Variants in ZNF26 observed in about 807,000 individuals in gnomAD.
ZNF26 encodes zinc finger protein 26, also known as epididymis luminal protein 179.
ZNF26 carries 32 observed loss-of-function variants against 54.9 expected under a neutral mutation model. The observed-to-expected ratio is 0.58, with a 90% confidence interval of 0.44 to 0.78. The LOEUF (loss-of-function observed/expected upper bound fraction) is 0.78, where lower values mean the gene tolerates loss of function less well. ZNF26 is among the 30% of genes least tolerant of loss of function. The pLI, the probability that ZNF26 is intolerant of heterozygous loss-of-function variation, is 0.00. For missense variants in ZNF26, 524 were observed against 634.0 expected, an observed-to-expected ratio of 0.83 and a Z score of 1.86; for synonymous variants, 221 against 209.2, an observed-to-expected ratio of 1.06 and a Z score of -0.49.
intron 3 of ZNF26, among the ~76,000 whole-genome samples, 164 bp downstream of exon 3, chr12:133,007,696 C>A (rs1394567959): frequency 6.6e-6 from 1 of 152,062 alleles, no homozygotes; most frequent in Non-Finnish European, 1.5e-5. Flanking sequence ...AGGACATCGC[C>A]GTCACTCTTC....
intron 1 of ZNF26, among the ~76,000 whole-genome samples, chr12:132,988,154 AC>A (rs1486390587): frequency 6.6e-6 from 1 of 152,122 alleles, no homozygotes; most frequent in African/African-American, 2.4e-5. Flanking sequence ...GATTACAGGC[AC>A]ATGCCACCCA....
In ZNF26 at chr12:133,001,534, C is replaced by CTGCA; in HGVS notation, c.34-5507_34-5504dup. The CTGCA allele has an allele frequency of 1.6e-6, 1 of 614,282 alleles. No individual in the cohort carries two copies. The highest frequency in any genetic ancestry group is 2.5e-6 in the Non-Finnish European group (1 of 394,870). 38.1% of individuals were successfully genotyped at this position (614,282 alleles called of 1,614,324 possible). A position where few individuals can be genotyped will look rare whatever the true frequency, so the allele number is the denominator to read the frequency against. ...TTGGAGCCTCTGACAGGGCTCTGCC[C>CTGCA]TGCAGTTCCATGGTGTATGTGATTC... On this transcript the variant is annotated intron_variant, in intron 1 of 3. Coordinates refer to ENST00000328654, the MANE Select transcript of ZNF26 (RefSeq NM_019591.4). This position sits in a 1 kb window ranked among gnomAD's most constrained non-coding sequence, Gnocchi z 4.7.
Position 132,994,981 on chromosome 12 carries a change from G to T in ZNF26, c.33+8108G>T, listed in dbSNP as rs796678515. 6.8e-3 allele frequency among the ~76,000 whole-genome samples: 1,039 copies of T among 152,168 alleles called. 9 individuals are homozygous for T. The highest frequency in any genetic ancestry group is 0.023 in the African/African-American group (955 of 41,500). ...TCCAGACATTGTCAAATGCCCCCGG[G>T]GGGGCAAAATCTCCCTCCTGCCCAT... On this transcript the variant is annotated intron_variant, in intron 1 of 3. Coordinates refer to ENST00000328654, the MANE Select transcript of ZNF26 (RefSeq NM_019591.4).
intron 1 of ZNF26, among the ~76,000 whole-genome samples, chr12:132,998,757 T>C (rs1953146801): frequency 6.6e-6 from 1 of 152,218 alleles, no homozygotes; most frequent in Non-Finnish European, 1.5e-5. Context: ...TGGTTATATC[T>C]GAAAATATGC....
Position 133,001,615 on chromosome 12 carries a change from G to C in ZNF26, c.34-5427G>C. 6 of 1,280,062 alleles carry C rather than the reference G, an allele frequency of 4.7e-6. No homozygotes were observed. Among genetic ancestry groups the C allele is most frequent in the Non-Finnish European group, 6.1e-6 (6 of 980,562 alleles). 79.3% of individuals were successfully genotyped at this position (1,280,062 alleles called of 1,614,324 possible). On this transcript the variant is annotated intron_variant, in intron 1 of 3. Transcript: ENST00000328654. The surrounding 1 kb of genome is among the most constrained non-coding windows in gnomAD (Gnocchi z 4.7). Reference sequence around the variant, plus strand: ...AGTCCACTCACTGCCTCTTCCCCTGGGGTCTCCCTCCCTGCAGGTAGTGCT... The same window carrying C: ...AGTCCACTCACTGCCTCTTCCCCTGCGGTCTCCCTCCCTGCAGGTAGTGCT...
chr12:133,026,055 C>T lies in ZNF26; in HGVS notation c.*14574C>T, dbSNP rs1953699257. 6.6e-6 allele frequency: 1 copy of T among 152,138 alleles called. No individual in the cohort carries two copies. Among genetic ancestry groups the T allele is most frequent in the Non-Finnish European group, 1.5e-5 (1 of 68,056 alleles). The allele number at this position is 152,138 out of a possible 1,614,324, so 9.4% of individuals were successfully genotyped here. ...TCTAGCCTTAGAAAAAGCTGCCTAGCTGAGCCTATCTTGAATTTCTGACCC... is the reference window on the plus strand; with the variant it reads ...TCTAGCCTTAGAAAAAGCTGCCTAGTTGAGCCTATCTTGAATTTCTGACCC... On this transcript the variant is annotated 3_prime_UTR_variant, in exon 4 of 4. Coordinates refer to ENST00000328654, the MANE Select transcript of ZNF26 (RefSeq NM_019591.4).
intron 3 of ZNF26, among the ~76,000 whole-genome samples, chr12:133,009,678 G>A (rs1953426458): frequency 6.6e-6 from 1 of 152,060 alleles, no homozygotes; most frequent in Non-Finnish European, 1.5e-5. Context: ...TTCACTCAGT[G>A]GGTTTTAGCT....
Position 133,006,072 on chromosome 12 carries a change from A to G in ZNF26, c.34-970A>G, listed in dbSNP as rs1006267201. ...TTCATAATAGATTTGCCAGTTTTTC[A>G]GTTGGGCATATACAGAAACTCCATT... On this transcript the variant is annotated intron_variant, in intron 1 of 3. Transcript: ENST00000328654. 1.6e-4 allele frequency: 153 copies of G among 984,834 alleles called. No individual in the cohort carries two copies. In the African/African-American group the frequency reaches 2.6e-3, roughly 16 times the overall value. 61.0% of individuals were successfully genotyped at this position (984,834 alleles called of 1,614,324 possible).
chr12:133,011,609 T>C lies in ZNF26; in HGVS notation c.*128T>C. The C allele has an allele frequency of 1.1e-6, 1 of 917,836 alleles. No individual in the cohort carries two copies. Among genetic ancestry groups the C allele is most frequent in the Middle Eastern group, 2.7e-4 (1 of 3,700 alleles). 56.9% of individuals were successfully genotyped at this position (917,836 alleles called of 1,614,324 possible). On this transcript the variant is annotated 3_prime_UTR_variant, in exon 4 of 4. Transcript: ENST00000328654. Reference sequence around the variant, plus strand: ...AATCAGAGAGGAGAGAGACCAACCATATTTGGGATGAGTGTAAAAGCTTTC... The same window carrying C: ...AATCAGAGAGGAGAGAGACCAACCACATTTGGGATGAGTGTAAAAGCTTTC...
chr12:133,019,160 A>G lies in ZNF26; in HGVS notation c.*7679A>G, dbSNP rs1953606434. 6.6e-6 allele frequency: 1 copy of G among 152,246 alleles called. No homozygotes were observed. Among genetic ancestry groups the G allele is most frequent in the African/African-American group, 2.4e-5 (1 of 41,474 alleles). 9.4% of individuals were successfully genotyped at this position (152,246 alleles called of 1,614,324 possible). On this transcript the variant is annotated 3_prime_UTR_variant, in exon 4 of 4. Coordinates refer to ENST00000328654, the MANE Select transcript of ZNF26 (RefSeq NM_019591.4). Reference sequence around the variant, plus strand: ...AGTATTTTGTAAAGATAAGTCATCAAGAAGATGTAACAATTATAAATAGAC... The same window carrying G: ...AGTATTTTGTAAAGATAAGTCATCAGGAAGATGTAACAATTATAAATAGAC...
At chr12:132,996,501 A>G (rs1203729002) in intron 1 of ZNF26, among the ~76,000 whole-genome samples, 2 of 152,238 alleles carry the variant, frequency 1.3e-5, no homozygotes, top group African/African-American at 2.4e-5. Flanking sequence ...TAGTCCAAGC[A>G]TATGATTTTA....
At chr12:133,002,663 G>C (rs980736276) in intron 1 of ZNF26, among the ~76,000 whole-genome samples, 1 of 151,610 alleles carries the variant, frequency 6.6e-6, no homozygotes, top group Non-Finnish European at 1.5e-5. Flanking sequence ...CTTCTGTGTC[G>C]CCCAGGCTGG....
chr12:133,006,029 C>G (rs1953316574), intron 1 of ZNF26: 1 of 953,706 alleles, frequency 1.0e-6, no homozygotes, highest in Admixed American at 6.2e-5. Flanking sequence ...TATGTTCCAT[C>G]TATTTTTTTT....
intron 1 of ZNF26, chr12:133,004,347 A>G (rs1181895142): frequency 1.3e-5 from 2 of 152,204 alleles, no homozygotes; most frequent in East Asian, 1.9e-4. Flanking sequence ...CATCACACAC[A>G]TGCTTAAATT....
intron 1 of ZNF26, among the ~76,000 whole-genome samples, chr12:132,991,107 C>T (rs945169764): frequency 8.6e-5 from 13 of 151,946 alleles, no homozygotes; most frequent in Admixed American, 2.0e-4. Context: ...GATCCACCCA[C>T]CTCAGCCTCC....
At position 133,024,818 on chromosome 12, in the gene ZNF26, C is replaced by CT; in HGVS notation, c.*13339dup. ...ACTGAGAGCCCATAGTAGAGAAAGTCTTATTAAGAGATTTTTGGGGTGTGG... is the reference window on the plus strand; with the variant it reads ...ACTGAGAGCCCATAGTAGAGAAAGTCTTTATTAAGAGATTTTTGGGGTGTGG... On this transcript the variant is annotated 3_prime_UTR_variant, in exon 4 of 4. Transcript: ENST00000328654. 6.6e-6 allele frequency: 1 copy of CT among 152,214 alleles called. No individual in the cohort carries two copies. Among genetic ancestry groups the CT allele is most frequent in the East Asian group, 1.9e-4 (1 of 5,182 alleles). The allele number at this position is 152,214 out of a possible 1,614,324, so 9.4% of individuals were successfully genotyped here.
In ZNF26 at chr12:132,987,171, T is replaced by C. The variant is rs1246137870; in HGVS notation, c.33+298T>C. ...ATGTTTTCTACACAAAGTTGTCTTATGGAGACCCTTAGAACTTAGCTGGAG... is the reference window on the plus strand; with the variant it reads ...ATGTTTTCTACACAAAGTTGTCTTACGGAGACCCTTAGAACTTAGCTGGAG... On this transcript the variant is annotated intron_variant, in intron 1 of 3. Transcript: ENST00000328654. Among the ~76,000 whole-genome samples the C allele has an allele frequency of 7.2e-5, 11 of 152,346 alleles. No homozygotes were observed. In the South Asian group the frequency reaches 1.7e-3, roughly 23 times the overall value.
In ZNF26 at chr12:133,015,918, G is replaced by A. The variant is rs921517989; in HGVS notation, c.*4437G>A. ...GCATGTTTATTGATGGAATGTTTGTGTGACTCTTTAATAGAAGTCTGAACT... is the reference window on the plus strand; with the variant it reads ...GCATGTTTATTGATGGAATGTTTGTATGACTCTTTAATAGAAGTCTGAACT... On this transcript the variant is annotated 3_prime_UTR_variant, in exon 4 of 4. Coordinates refer to ENST00000328654, the MANE Select transcript of ZNF26 (RefSeq NM_019591.4). The A allele has an allele frequency of 6.6e-6, 1 of 152,072 alleles. No individual in the cohort carries two copies. Among genetic ancestry groups the A allele is most frequent in the Non-Finnish European group, 1.5e-5 (1 of 68,020 alleles). The allele number at this position is 152,072 out of a possible 1,614,324, so 9.4% of individuals were successfully genotyped here. A position where few individuals can be genotyped will look rare whatever the true frequency, so the allele number is the denominator to read the frequency against.
rs933616322 is a variant in ZNF26, at chr12:133,024,805, T to C, written c.*13324T>C. The stretch of plus-strand genomic sequence containing the variant: ...CCACAAAAGGCCCACTGAGAGCCCA[T>C]AGTAGAGAAAGTCTTATTAAGAGAT... On this transcript the variant is annotated 3_prime_UTR_variant, in exon 4 of 4. Coordinates refer to ENST00000328654, the MANE Select transcript of ZNF26 (RefSeq NM_019591.4). 1 of 152,090 alleles carries C rather than the reference T, an allele frequency of 6.6e-6. No individual in the cohort carries two copies. The highest frequency in any genetic ancestry group is 1.5e-5 in the Non-Finnish European group (1 of 68,006). The allele number at this position is 152,090 out of a possible 1,614,324, so 9.4% of individuals were successfully genotyped here. A position where few individuals can be genotyped will look rare whatever the true frequency, so the allele number is the denominator to read the frequency against.
Sources: allele counts gnomAD v4.1 joint callset (sites outside exome capture counted in the v4.1 genomes callset), GRCh38; gene constraint gnomAD v4.1.1; non-coding constraint Gnocchi (gnomAD v3.1); transcripts MANE v1.5; gene names NCBI Gene and HGNC (gene_info 2026-07-23, HGNC 2026-07-21).